The following SOX5 variants were observed in gnomAD, a reference collection of about 807,000 sequenced individuals.
The protein encoded by SOX5 is transcription factor SOX-5.
Under a neutral mutation model 92.0 loss-of-function variants are expected in SOX5, and 9 were observed. That is an observed-to-expected ratio of 0.10 (90% CI 0.06 to 0.17). The LOEUF is 0.17. Ranked by LOEUF, SOX5 falls within the 10% of genes least tolerant of loss-of-function variation. SOX5 has a pLI of 1.00. For synonymous variants in SOX5, 344 were observed against 336.3 expected (o/e 1.02, Z -0.25); for missense variants, 642 against 944.5 (o/e 0.68, Z 4.20).
intron 9 of SOX5, among the ~76,000 whole-genome samples, chr12:23,580,892 C>T (rs1173787394): frequency 6.6e-6 from 1 of 151,942 alleles, no homozygotes; most frequent in East Asian, 1.9e-4. Context: ...AAATATGTAG[C>T]CTTAGACGCA....
chr12:24,547,480 C>G (rs906217449), intron 1 of SOX5, among the ~76,000 whole-genome samples: 2 of 152,098 alleles, frequency 1.3e-5, no homozygotes, highest in East Asian at 3.9e-4. Context: ...CGTGAGCCAC[C>G]GCGCCCGGCC....
intron 3 of SOX5, among the ~76,000 whole-genome samples, chr12:23,833,235 C>T (rs974023473): frequency 2.6e-5 from 4 of 151,868 alleles, no homozygotes; most frequent in East Asian, 1.9e-4. Context: ...TTAACAGGAA[C>T]GTTACATTTC....
chr12:24,312,715 ATAT>A (rs1225060642), intron 2 of SOX5, among the ~76,000 whole-genome samples: 2 of 152,300 alleles, frequency 1.3e-5, no homozygotes, highest in African/African-American at 4.8e-5. Flanking sequence ...TTTGAAGTAA[ATAT>A]TATTTTAATT....
chr12:23,654,695 G>A (rs546081504), intron 7 of SOX5, among the ~76,000 whole-genome samples: 33 of 152,106 alleles, frequency 2.2e-4, no homozygotes, highest in African/African-American at 4.6e-4. Context: ...AAGGAATTTC[G>A]AAATGTGGAA....
chr12:23,766,620 G>A (rs1053287311), intron 3 of SOX5, among the ~76,000 whole-genome samples: 15 of 152,038 alleles, frequency 9.9e-5, no homozygotes, highest in African/African-American at 3.6e-4. Context: ...ATGTGAAAGA[G>A]TAAAATCTAC....
intron 2 of SOX5, among the ~76,000 whole-genome samples, chr12:24,320,864 C>CA (rs71063308): frequency 0.26 from 35,036 of 135,396 alleles, 5,139 homozygotes; most frequent in East Asian, 0.57. Flanking sequence ...GACTCTGTCT[C>CA]AAAAAAAAAT....
At chr12:23,692,932 G>C (rs1011629430) in intron 6 of SOX5, among the ~76,000 whole-genome samples, 3 of 152,098 alleles carry the variant, frequency 2.0e-5, no homozygotes, top group Admixed American at 1.3e-4. Context: ...TTTATCCCTA[G>C]TAATGCATTT....
chr12:24,125,095 T>C (rs143529012), intron 4 of SOX5, among the ~76,000 whole-genome samples: 2 of 152,288 alleles, frequency 1.3e-5, no homozygotes, highest in East Asian at 3.9e-4. Context: ...AGGTCAAAAA[T>C]ATATAAAAAC....
rs1197740262 is a variant in SOX5 at position 24,246,347 on chromosome 12, C to T, written c.-77+30869G>A. Among the ~76,000 whole-genome samples the T allele has an allele frequency of 1.8e-4, 27 of 149,786 alleles. No individual in the cohort carries two copies. In the South Asian group the frequency reaches 1.9e-3, roughly 11 times the overall value. On this transcript the variant is annotated intron_variant, in intron 3 of 4. Coordinates refer to the SOX5 transcript ENST00000446891. ...TATGATGGTTATATCAGTCATTGTC[C>T]GTCATATTAAACCTAATGTTTCAAA...
chr12:23,937,432 T>C (rs1595775892), intron 1 of SOX5, among the ~76,000 whole-genome samples: 3 of 151,052 alleles, frequency 2.0e-5, no homozygotes, highest in Admixed American at 6.6e-5. Flanking sequence ...TTTACTGAAA[T>C]AGTGATGAAA....
chr12:24,149,648 A>T (rs909988361), intron 4 of SOX5, among the ~76,000 whole-genome samples: 1 of 152,176 alleles, frequency 6.6e-6, no homozygotes, highest in African/African-American at 2.4e-5. Flanking sequence ...CCTATGATCC[A>T]GTCATTCCCA....
chr12:24,444,529 T>C (rs1211513127), intron 1 of SOX5, among the ~76,000 whole-genome samples: 2 of 152,170 alleles, frequency 1.3e-5, no homozygotes, highest in Non-Finnish European at 2.9e-5. Flanking sequence ...TGTATTTGAA[T>C]TCAACTGTAG....
chr12:23,728,039 A>C (rs2093230518), intron 6 of SOX5, among the ~76,000 whole-genome samples: 1 of 152,106 alleles, frequency 6.6e-6, no homozygotes, highest in Non-Finnish European at 1.5e-5. Flanking sequence ...AAGAATACTT[A>C]AGGAATTTTA....
At position 24,086,560 on chromosome 12, in the gene SOX5, A is replaced by C. The variant is rs374143261; in HGVS notation, c.-2+126783T>G. 5.3e-5 allele frequency among the ~76,000 whole-genome samples: 8 copies of C among 152,132 alleles called. No homozygotes were observed. In the South Asian group the frequency reaches 1.0e-3, roughly 20 times the overall value. ...GAAAAACTAGTTTAAAAATACACTC[A>C]TGAAGCTAGTCAGAAGAAGAACATT... On this transcript the variant is annotated intron_variant, in intron 4 of 4. Coordinates refer to the SOX5 transcript ENST00000446891.
chr12:23,546,440 AATG>A lies in SOX5; in HGVS notation c.1489-19_1489-17del, dbSNP rs1196246491. 7.3e-7 allele frequency: 1 copy of A among 1,366,606 alleles called. No individual in the cohort carries two copies. Among genetic ancestry groups the A allele is most frequent in the Non-Finnish European group, 1.0e-6 (1 of 959,338 alleles). The allele number at this position is 1,366,606 out of a possible 1,614,324, so 84.7% of individuals were successfully genotyped here. On this transcript the variant is annotated splice_polypyrimidine_tract_variant and intron_variant, in intron 11 of 14. Transcript: ENST00000451604. ...TTGTTTTTTCCTTTAAAAAAATTAT[AATG>A]AGAGATCAGTCTAGGAATTAAAATT...
chr12:24,172,166 A>T (rs988474303), intron 4 of SOX5, among the ~76,000 whole-genome samples: 1 of 151,926 alleles, frequency 6.6e-6, no homozygotes, highest in African/African-American at 2.4e-5. Context: ...CCGTAAACTA[A>T]ATTTGCATTT....
chr12:24,095,148 G>GAC (rs1569540908), intron 4 of SOX5, among the ~76,000 whole-genome samples: 2 of 147,686 alleles, frequency 1.4e-5, no homozygotes, highest in African/African-American at 4.9e-5. Context: ...GAGAGAGAGA[G>GAC]AGAGAGAGAC....
chr12:24,349,955 A>G (rs954492204), intron 2 of SOX5, among the ~76,000 whole-genome samples: 3 of 152,074 alleles, frequency 2.0e-5, no homozygotes, highest in African/African-American at 2.4e-5. Flanking sequence ...TTTTCTTTCT[A>G]TATTTCCATT....
intron 7 of SOX5, among the ~76,000 whole-genome samples, chr12:23,653,029 T>TGG (rs773657109): frequency 7.2e-5 from 9 of 125,462 alleles, no homozygotes; most frequent in African/African-American, 2.9e-4. Context: ...AATGTACAGA[T>TGG]AGATGGATGG....
Sources: gnomAD v4.1 joint callset for allele counts (sites outside exome capture counted in the v4.1 genomes callset) on GRCh38, gnomAD v4.1.1 for gene constraint, MANE v1.5 for transcripts, NCBI Gene and HGNC (gene_info 2026-07-23, HGNC 2026-07-21) for gene names.